LRP2: variants seen among roughly 807,000 people sequenced by gnomAD.
LRP2 encodes the protein low-density lipoprotein receptor-related protein 2.
A neutral mutation model predicts 531.0 loss-of-function variants in LRP2; 172 were observed. The ratio of observed to expected loss-of-function variants is 0.32; its 90% CI spans 0.29 to 0.37. The LOEUF is 0.37. LRP2 is among the 10% of genes least tolerant of loss of function. LRP2 has a pLI of 1.00. For missense variants in LRP2, 5,167 were observed against 5,868.3 expected (o/e 0.88, Z 3.90); for synonymous variants, 1,992 against 2,027.6 (o/e 0.98, Z 0.47).
In LRP2 at chr2:169,191,749, C is replaced by T. The variant is rs1415460874; in HGVS notation, c.9032+83G>A. 7 of 1,167,844 alleles carry T rather than the reference C, an allele frequency of 6.0e-6. No individual in the cohort carries two copies. The African/African-American group carries it at 9.0e-5, about 15-fold the overall frequency. 72.3% of individuals were successfully genotyped at this position (1,167,844 alleles called of 1,614,324 possible). On this transcript the variant is annotated intron_variant, in intron 48 of 78. Coordinates refer to ENST00000649046, the MANE Select transcript of LRP2 (RefSeq NM_004525.3). ...GCATCATGGGCCCTGGGCACTGTGG[C>T]CACGGGGTGCCTGATAGGTAAGTGA...
Position 169,271,098 on chromosome 2 carries a change from T to C in LRP2, c.2126A>G (p.Asn709Ser), listed in dbSNP as rs771267814. The change falls in exon 16 of 79, where the codon AAT becomes AGT. Residue 709 changes from asparagine (N) to serine (S), a missense_variant. This residue lies in a region of LRP2 where 2,811 missense variants were observed against 3,058.0 expected (regional missense o/e 0.92). Coordinates refer to ENST00000649046, the MANE Select transcript of LRP2 (RefSeq NM_004525.3). The part of the protein sequence containing the change: ...TDERHCIAVQ[N>S]FLIFSSQVAI... ...AACTTGGGATGAAAAAATGAGGAAA[T>C]TCTGAACAGCTGTAGGAAGAATAAC... is the stretch of plus-strand genomic sequence containing the variant. 8 of 1,612,076 alleles carry C rather than the reference T, an allele frequency of 5.0e-6. No individual in the cohort carries two copies. Among genetic ancestry groups the C allele is most frequent in the South Asian group, 4.4e-5 (4 of 90,982 alleles).
intron 10 of LRP2, 141 bp downstream of exon 10, chr2:169,282,732 G>A: frequency 1.1e-6 from 1 of 909,944 alleles, no homozygotes; most frequent in Non-Finnish European, 1.8e-6. Context: ...TTTCTAGGCA[G>A]TAGGAGCCAT....
chr2:169,239,425 C>T (rs561713101), intron 26 of LRP2, 102 bp downstream of exon 26: 5 of 1,592,558 alleles, frequency 3.1e-6, no homozygotes, highest in Non-Finnish European at 2.6e-6. Flanking sequence ...GGATTCAAGT[C>T]GATCTAACTC....
intron 57 of LRP2, 84 bp downstream of exon 57, chr2:169,173,012 A>T: frequency 3.6e-6 from 5 of 1,407,990 alleles, no homozygotes; most frequent in Non-Finnish European, 5.0e-6. Flanking sequence ...CATGGGAAAT[A>T]CACTCTCATC....
intron 4 of LRP2, among the ~76,000 whole-genome samples, chr2:169,298,075 G>A (rs1341740142): frequency 6.6e-6 from 1 of 151,938 alleles, no homozygotes; most frequent in African/African-American, 2.4e-5. Flanking sequence ...GTTACTTTAT[G>A]TTATTTCCTC....
In LRP2 at chr2:169,275,023, C is replaced by A. The variant is rs764795495; in HGVS notation, c.1975+13G>T. 36 of 1,612,570 alleles carry A rather than the reference C, an allele frequency of 2.2e-5. No homozygotes were observed. The East Asian group carries it at 7.1e-4, about 32-fold the overall frequency. On this transcript the variant is annotated intron_variant, in intron 14 of 78. Coordinates refer to ENST00000649046, the MANE Select transcript of LRP2 (RefSeq NM_004525.3). ...CCGGTACCAAGCATGGTTACCACTG[C>A]TCTGAGGCTTACCATAGGGCTGTCT... is the stretch of plus-strand genomic sequence containing the variant.
chr2:169,201,554 T>TA, intron 44 of LRP2, 74 bp downstream of exon 44: 16 of 1,589,856 alleles, frequency 1.0e-5, no homozygotes, highest in Non-Finnish European at 1.4e-5. Context: ...GCCTTTTTTT[T>TA]ATATAATAAT....
chr2:169,256,672 G>C (rs1432231663), intron 18 of LRP2, among the ~76,000 whole-genome samples: 1 of 151,762 alleles, frequency 6.6e-6, no homozygotes. Context: ...GAGAACCATA[G>C]CTTATACTTT....
intron 36 of LRP2, 30 bp from the exon 37 acceptor site, chr2:169,212,237 T>G: frequency 6.2e-7 from 1 of 1,613,862 alleles, no homozygotes; most frequent in Non-Finnish European, 8.5e-7. Context: ...ATTTGTAACT[T>G]TTGATCCTAG....
In LRP2 at chr2:169,275,100, C is replaced by G; in HGVS notation, c.1911G>C (p.Val637=). The change falls in exon 14 of 79, where the codon GTG becomes GTC. Residue 637 remains valine (V), a synonymous_variant. Transcript: ENST00000649046. Reference sequence around the variant, plus strand: ...AGGGCCTCAGGGAAGCCTGGTAGTACACTTGTGGGTTGGTCTCTGTGAACT... The same window carrying G: ...AGGGCCTCAGGGAAGCCTGGTAGTAGACTTGTGGGTTGGTCTCTGTGAACT... ...ANKFTETNPQ[V]YYQASLRPYG... The G allele has an allele frequency of 1.9e-6, 3 of 1,613,774 alleles. No individual in the cohort carries two copies. Among genetic ancestry groups the G allele is most frequent in the Non-Finnish European group, 2.5e-6 (3 of 1,179,858 alleles).
chr2:169,188,098 A>C lies in LRP2; in HGVS notation c.9200T>G (p.Leu3067Arg). 6.2e-7 allele frequency: 1 copy of C among 1,614,152 alleles called. No individual in the cohort carries two copies. The highest frequency in any genetic ancestry group is 8.5e-7 in the Non-Finnish European group (1 of 1,180,014). ...ACACGTGGGTTCTGGGGTGTGGCAC[A>C]GGTGCATCAGCTCATCAGATCCGTC... ...CGDGSDELMH[L>R]CHTPEPTCPP... Residue 3067 changes from leucine to arginine, a missense_variant, in exon 49 of 79, where the codon CTG becomes CGG. Coordinates refer to ENST00000649046, the MANE Select transcript of LRP2 (RefSeq NM_004525.3).
intron 1 of LRP2, among the ~76,000 whole-genome samples, chr2:169,333,761 A>G (rs1685328796): frequency 6.6e-6 from 1 of 152,136 alleles, no homozygotes; most frequent in Non-Finnish European, 1.5e-5. Context: ...GATTGCTTTT[A>G]ACAGACTGAG....
Position 169,185,560 on chromosome 2 carries a change from G to T in LRP2, c.9788C>A (p.Thr3263Lys). The T allele has an allele frequency of 1.2e-6, 2 of 1,613,904 alleles. No homozygotes were observed. Among genetic ancestry groups the T allele is most frequent in the Non-Finnish European group, 1.7e-6 (2 of 1,179,976 alleles). ...RMFLNKTNKE[T>K]IINHRLPAAE... ...AGCTGGTAGTCTGTGGTTTATGATTGTCTCCTTGTTTGTCTTATTCAGAAA... is the reference window on the plus strand; with the variant it reads ...AGCTGGTAGTCTGTGGTTTATGATTTTCTCCTTGTTTGTCTTATTCAGAAA... Residue 3263 changes from threonine (T) to lysine (K), a missense_variant, in exon 50 of 79, where the codon ACA becomes AAA. Coordinates refer to ENST00000649046, the MANE Select transcript of LRP2 (RefSeq NM_004525.3).
chr2:169,132,599 G>A lies in LRP2; in HGVS notation c.13703C>T (p.Thr4568Ile), dbSNP rs1382818321. The change falls in exon 77 of 79, where the codon ACT (threonine) becomes ATT (isoleucine). Residue 4568 changes from threonine to isoleucine, a missense_variant. By Grantham distance (89) the Thr-to-Ile change is moderately conservative. Coordinates refer to ENST00000649046, the MANE Select transcript of LRP2 (RefSeq NM_004525.3). ...PSEIVPETNP[T>I]SPAADGTQVT... ...CTGAGTTCCATCAGCAGCTGGTGAA[G>A]TTGGGTTTGTCTCTGGAACTATCTC... 6.2e-6 allele frequency: 10 copies of A among 1,608,610 alleles called. No individual in the cohort carries two copies. The highest frequency in any genetic ancestry group is 7.7e-6 in the Non-Finnish European group (9 of 1,174,968).
intron 65 of LRP2, among the ~76,000 whole-genome samples, chr2:169,154,952 C>T (rs1686279308): frequency 6.6e-6 from 1 of 152,178 alleles, no homozygotes; most frequent in African/African-American, 2.4e-5. Flanking sequence ...ACAGACTAGA[C>T]TGCAGACATT....
At chr2:169,129,644 G>T (rs1685214273) in intron 77 of LRP2, among the ~76,000 whole-genome samples, 1 of 152,144 alleles carries the variant, frequency 6.6e-6, no homozygotes, top group Non-Finnish European at 1.5e-5. Context: ...ACAAGTTTCT[G>T]ATTTTTTTTA....
intron 4 of LRP2, among the ~76,000 whole-genome samples, chr2:169,299,314 T>C (rs184823277): frequency 1.3e-5 from 2 of 152,034 alleles, no homozygotes; most frequent in East Asian, 3.9e-4. Flanking sequence ...ATAAACTAAG[T>C]TATCTAGTTT....
Position 169,129,091 on chromosome 2 carries a change from G to A in LRP2, c.13729-7C>T. 1.3e-6 allele frequency: 2 copies of A among 1,577,562 alleles called. No homozygotes were observed. Among genetic ancestry groups the A allele is most frequent in the South Asian group, 2.2e-5 (2 of 90,280 alleles). On this transcript the variant is annotated splice_polypyrimidine_tract_variant and splice_region_variant and intron_variant, in intron 77 of 78. Coordinates refer to ENST00000649046, the MANE Select transcript of LRP2 (RefSeq NM_004525.3). Reference sequence around the variant, plus strand: ...AGAGATTCCATTTTGTCACCTAAATGAAAAGGGGAAAACAAAAACCTCTCA... The same window carrying A: ...AGAGATTCCATTTTGTCACCTAAATAAAAAGGGGAAAACAAAAACCTCTCA...
intron 9 of LRP2, among the ~76,000 whole-genome samples, chr2:169,288,790 C>A (rs1683924026): frequency 6.6e-6 from 1 of 152,174 alleles, no homozygotes; most frequent in African/African-American, 2.4e-5. Flanking sequence ...GGATAGGTTC[C>A]AGGTAGCTAG....
Sources: gnomAD v4.1 joint callset for allele counts (sites outside exome capture counted in the v4.1 genomes callset) on GRCh38, gnomAD v4.1.1 for gene constraint, gnomAD v4.1.1 regional missense constraint, MANE v1.5 for transcripts, NCBI Gene and HGNC (gene_info 2026-07-23, HGNC 2026-07-21) for gene names.